Variants in TNPO3 observed in about 807,000 individuals in gnomAD.
TNPO3 encodes transportin-3.
Under a neutral mutation model 122.8 loss-of-function variants are expected in TNPO3, and 65 were observed. The ratio of observed to expected loss-of-function variants is 0.53; its 90% confidence interval spans 0.43 to 0.65. The LOEUF is 0.65. Ranked by LOEUF, TNPO3 falls within the 30% of genes least tolerant of loss-of-function variation. TNPO3 has a pLI of 0.00. For missense variants in TNPO3, 850 were observed against 1,136.7 expected (o/e 0.75, Z 3.63); for synonymous variants, 372 against 411.2 (o/e 0.90, Z 1.15).
Position 128,997,536 on chromosome 7 carries a change from C to G in TNPO3, c.1012-1G>C. ...AAAAGTTAAATGAAATTTCTACTAC[C>G]TGTTAGGTTAAAAGAGATGATTTAT... On this transcript the variant is annotated splice_acceptor_variant, in intron 7 of 22. Transcript: ENST00000265388. LOFTEE classifies it high-confidence loss of function. 1 of 1,612,444 alleles carries G rather than the reference C, an allele frequency of 6.2e-7. No homozygotes were observed. The highest frequency in any genetic ancestry group is 1.3e-5 in the African/African-American group (1 of 74,956).
At position 129,055,035 on chromosome 7, in the gene TNPO3, C is replaced by G; in HGVS notation, c.-265G>C. 1 of 445,586 alleles carries G rather than the reference C, an allele frequency of 2.2e-6. No homozygotes were observed. The highest frequency in any genetic ancestry group is 6.5e-4 in the Middle Eastern group (1 of 1,544). 27.6% of individuals were successfully genotyped at this position (445,586 alleles called of 1,614,324 possible). ...ACTCTTGAGTCCACAGATTCTGGCGCTCCCGTCTTCAGTCGCTGACTTGCC... is the reference window on the plus strand; with the variant it reads ...ACTCTTGAGTCCACAGATTCTGGCGGTCCCGTCTTCAGTCGCTGACTTGCC... On this transcript the variant is annotated 5_prime_UTR_variant, in exon 1 of 23. Coordinates refer to ENST00000265388, the MANE Select transcript of TNPO3 (RefSeq NM_012470.4).
At chr7:128,980,764 C>T (rs1799549071) in intron 14 of TNPO3, among the ~76,000 whole-genome samples, 1 of 152,138 alleles carries the variant, frequency 6.6e-6, no homozygotes, top group Non-Finnish European at 1.5e-5. Flanking sequence ...GTAGTTTCTT[C>T]CTAATTAACA....
chr7:129,022,895 G>A (rs1190231272), intron 1 of TNPO3, among the ~76,000 whole-genome samples: 2 of 152,068 alleles, frequency 1.3e-5, no homozygotes, highest in African/African-American at 4.8e-5. Flanking sequence ...GAGAGAACAA[G>A]GCATCAACAT....
At position 128,988,900 on chromosome 7, in the gene TNPO3, G is replaced by A. The variant is rs117356959; in HGVS notation, c.1498+1061C>T. ...TCGAGACCAGCCTGCCCAACATAGCGAAACCCTGTCTCCACTAAAAATACA... is the reference window on the plus strand; with the variant it reads ...TCGAGACCAGCCTGCCCAACATAGCAAAACCCTGTCTCCACTAAAAATACA... On this transcript the variant is annotated intron_variant, in intron 11 of 22. Transcript: ENST00000265388. Among the ~76,000 whole-genome samples, 871 of 152,122 alleles carry A rather than the reference G, an allele frequency of 5.7e-3. 1 individual carries two copies. Among genetic ancestry groups the A allele is most frequent in the Middle Eastern group, 0.01 (3 of 292 alleles).
rs947111176 is a variant in TNPO3 at position 128,998,027 on chromosome 7, T to C, written c.1012-492A>G. 2.6e-3 allele frequency among the ~76,000 whole-genome samples: 371 copies of C among 144,120 alleles called. 1 individual carries two copies. The highest frequency in any genetic ancestry group is 4.6e-3 in the Non-Finnish European group (300 of 65,276). 94.5% of individuals were successfully genotyped at this position (144,120 alleles called of 152,430 possible). A position where few individuals can be genotyped will look rare whatever the true frequency, so the allele number is the denominator to read the frequency against. On this transcript the variant is annotated intron_variant, in intron 7 of 22. Transcript: ENST00000265388. ...TAATTTTTTTTTTTTTTTTTTTTTT[T>C]AGTAGAAACAGGGCCTTGCCATCTT...
chr7:129,000,158 A>G (rs1801776990), intron 7 of TNPO3, among the ~76,000 whole-genome samples: 1 of 152,198 alleles, frequency 6.6e-6, no homozygotes, highest in South Asian at 2.1e-4. Flanking sequence ...GTCAAGCTAG[A>G]CAAGGGGTTC....
Position 128,990,075 on chromosome 7 carries a change from C to T in TNPO3, c.1384G>A (p.Val462Ile). Residue 462 changes from valine (V) to isoleucine (I), a missense_variant, in exon 11 of 23, where the codon GTC (valine) becomes ATC (isoleucine). Transcript: ENST00000265388. ...GGGAGGCGGACAACTCCTTCTAGGA[C>T]TTCCACAAGTGTTGGATTGTTTTCC... ...DPENNPTLVEVLEGVVRLPET... is the reference protein window; with the variant it reads ...DPENNPTLVEILEGVVRLPET... 2 of 1,614,220 alleles carry T rather than the reference C, an allele frequency of 1.2e-6. No individual in the cohort carries two copies. The highest frequency in any genetic ancestry group is 1.7e-6 in the Non-Finnish European group (2 of 1,180,042).
Position 129,010,674 on chromosome 7 carries a change from G to C in TNPO3, c.552+4305C>G, listed in dbSNP as rs181007409. ...GTGGTCAACCCTAGCATCACTAATA[G>C]AAGGTCAACTGAACGCTGTATATAT... is the stretch of plus-strand genomic sequence containing the variant. On this transcript the variant is annotated intron_variant, in intron 4 of 22. Transcript: ENST00000265388. Among the ~76,000 whole-genome samples the C allele has an allele frequency of 1.4e-4, 21 of 152,294 alleles. No individual in the cohort carries two copies. The East Asian group carries it at 3.3e-3, about 24-fold the overall frequency.
In TNPO3 at chr7:129,051,133, A is replaced by T. The variant is rs189568237; in HGVS notation, c.120+3518T>A. 1.9e-3 allele frequency among the ~76,000 whole-genome samples: 211 copies of T among 110,434 alleles called. 1 individual carries two copies. The highest frequency in any genetic ancestry group is 5.3e-3 in the Middle Eastern group (1 of 190). 72.4% of individuals were successfully genotyped at this position (110,434 alleles called of 152,430 possible). ...AGGGTGACTTATTGTGGATACCCAG[A>T]AAACAAAATGTTAAAAAAAAAAAGA... On this transcript the variant is annotated intron_variant, in intron 1 of 22. Coordinates refer to ENST00000265388, the MANE Select transcript of TNPO3 (RefSeq NM_012470.4).
intron 4 of TNPO3, 117 bp from the exon 5 acceptor site, chr7:129,005,276 A>G (rs1802441607): frequency 9.8e-7 from 1 of 1,024,412 alleles, no homozygotes; most frequent in South Asian, 1.8e-5. Context: ...CCAACGGTTA[A>G]AAGTGCTTTT....
At chr7:129,052,867 T>C (rs1808939742) in intron 1 of TNPO3, among the ~76,000 whole-genome samples, 1 of 152,206 alleles carries the variant, frequency 6.6e-6, no homozygotes, top group Non-Finnish European at 1.5e-5. Flanking sequence ...TAATTACACT[T>C]TAGAAAACTA....
chr7:129,004,956 G>T, intron 5 of TNPO3, 60 bp downstream of exon 5: 3 of 1,541,350 alleles, frequency 1.9e-6, no homozygotes, highest in Non-Finnish European at 2.6e-6. Flanking sequence ...TTATGTCCCA[G>T]CAGGTTAGTT....
chr7:129,034,566 T>C (rs898887750), intron 1 of TNPO3, among the ~76,000 whole-genome samples: 2 of 151,446 alleles, frequency 1.3e-5, no homozygotes, highest in Non-Finnish European at 2.9e-5. Flanking sequence ...CAATTACTTT[T>C]TGAATTTCAA....
intron 1 of TNPO3, among the ~76,000 whole-genome samples, chr7:129,054,245 G>C (rs1809178862): frequency 6.6e-6 from 1 of 152,200 alleles, no homozygotes; most frequent in Admixed American, 6.5e-5. Flanking sequence ...AATGCCAGAT[G>C]CAAGTCTTGG....
At chr7:129,017,854 T>C in intron 2 of TNPO3, 103 bp downstream of exon 2, 1 of 1,134,702 alleles carries the variant, frequency 8.8e-7, no homozygotes, top group East Asian at 2.5e-5. Flanking sequence ...ACATCTGTAA[T>C]GAAGTTAACA....
chr7:129,040,767 T>C (rs1418416868), intron 1 of TNPO3, among the ~76,000 whole-genome samples: 2 of 152,170 alleles, frequency 1.3e-5, no homozygotes, highest in Non-Finnish European at 2.9e-5. Context: ...GACTTACTCT[T>C]GTGCAAATGT....
At chr7:129,009,646 C>T (rs1802965642) in intron 4 of TNPO3, among the ~76,000 whole-genome samples, 1 of 152,150 alleles carries the variant, frequency 6.6e-6, no homozygotes, top group East Asian at 1.9e-4. Context: ...TGGCAGTAAC[C>T]ATGACACAAA....
At chr7:128,961,968 C>T (rs1797498665) in intron 21 of TNPO3, among the ~76,000 whole-genome samples, 1 of 152,110 alleles carries the variant, frequency 6.6e-6, no homozygotes, top group Non-Finnish European at 1.5e-5. Context: ...TTCTTCTAGT[C>T]CCAATTGGTC....
chr7:128,982,454 C>T (rs1799724696), intron 13 of TNPO3, 130 bp from the exon 14 acceptor site: 1 of 692,470 alleles, frequency 1.4e-6, no homozygotes, highest in South Asian at 2.2e-5. Flanking sequence ...AGTATATAAA[C>T]TCCTAAAAGT....
Sources: gnomAD v4.1 joint callset for allele counts (sites outside exome capture counted in the v4.1 genomes callset) on GRCh38, gnomAD v4.1.1 for gene constraint, MANE v1.5 for transcripts, NCBI Gene and HGNC (gene_info 2026-07-23, HGNC 2026-07-21) for gene names.